Variants in DLGAP3 observed in about 807,000 individuals in gnomAD.
DLGAP3 encodes the protein DLG associated protein 3, also known as disks large-associated protein 3.
Under a neutral mutation model 81.2 loss-of-function variants are expected in DLGAP3, and 17 were observed. The ratio of observed to expected loss-of-function variants is 0.21; its 90% CI spans 0.14 to 0.31. The LOEUF is 0.31. DLGAP3 is among the 10% of genes least tolerant of loss of function. The pLI is 1.00. For synonymous variants in DLGAP3, 577 were observed against 587.4 expected (o/e 0.98, Z 0.26); for missense variants, 1,124 against 1,388.0 (o/e 0.81, Z 3.02).
chr1:34,904,946 T>G lies in DLGAP3; in HGVS notation c.438A>C (p.Ala146=). The G allele has an allele frequency of 6.2e-7, 1 of 1,612,844 alleles. No homozygotes were observed. The highest frequency in any genetic ancestry group is 8.5e-7 in the Non-Finnish European group (1 of 1,179,742). ...CTGGCGCTGGCCCGGGCCCTGCCCC[T>G]GCTGGCCCTCGCTGGTATGGTAGTG... is the stretch of plus-strand genomic sequence containing the variant. ...FHTLPYQRGP[A]GAGPGPAPGT... Residue 146 remains alanine, a synonymous_variant, in exon 3 of 12, where the codon GCA becomes GCC. Transcript: ENST00000373347. The surrounding 1 kb of genome is among the most constrained non-coding windows in gnomAD (Gnocchi z 8.1).
chr1:34,880,629 G>A (rs1338040119), intron 8 of DLGAP3, among the ~76,000 whole-genome samples: 2 of 151,992 alleles, frequency 1.3e-5, no homozygotes, highest in Non-Finnish European at 2.9e-5. Context: ...TACTCGGGAG[G>A]TGGAAGTTGC....
intron 6 of DLGAP3, 123 bp downstream of exon 6, chr1:34,885,949 G>A: frequency 1.7e-6 from 2 of 1,197,492 alleles, no homozygotes; most frequent in Non-Finnish European, 2.3e-6. Flanking sequence ...CGCTCTCCCC[G>A]TCATCCGACC....
chr1:34,867,459 C>A lies in DLGAP3; in HGVS notation c.2577+77G>T. The A allele has an allele frequency of 7.5e-7, 1 of 1,337,402 alleles. No homozygotes were observed. Among genetic ancestry groups the A allele is most frequent in the Admixed American group, 1.7e-5 (1 of 59,698 alleles). 82.8% of individuals were successfully genotyped at this position (1,337,402 alleles called of 1,614,324 possible). ...TCTGGTACACACTCACTCTGGGTCACCTGCCTGTCTCACCTCCAGCACACA... is the reference window on the plus strand; with the variant it reads ...TCTGGTACACACTCACTCTGGGTCAACTGCCTGTCTCACCTCCAGCACACA... On this transcript the variant is annotated intron_variant, in intron 10 of 11. Coordinates refer to ENST00000373347, the MANE Select transcript of DLGAP3 (RefSeq NM_001080418.3). This position sits in a 1 kb window ranked among gnomAD's most constrained non-coding sequence, Gnocchi z 4.3.
intron 1 of DLGAP3, among the ~76,000 whole-genome samples, chr1:34,922,847 C>T (rs1346453634): frequency 6.6e-6 from 1 of 152,194 alleles, no homozygotes; most frequent in East Asian, 1.9e-4. Flanking sequence ...GCTCTCTCCT[C>T]TTGCTAGTCT....
At chr1:34,903,798 T>C (rs1639500137) in intron 3 of DLGAP3, among the ~76,000 whole-genome samples, 1 of 152,154 alleles carries the variant, frequency 6.6e-6, no homozygotes, top group African/African-American at 2.4e-5. Flanking sequence ...CAGAGGCACA[T>C]TCTAGAAATA....
In DLGAP3 at chr1:34,905,146, C is replaced by G; in HGVS notation, c.238G>C (p.Ala80Pro). Residue 80 changes from alanine (A) to proline (P), a missense_variant, in exon 3 of 12, where the codon GCC (alanine) becomes CCC (proline). Around this residue, in one of 9 missense-constraint regions of DLGAP3, gnomAD observed 167 missense variants for 172.1 expected, o/e 0.97. Transcript: ENST00000373347. ...GTGCTGCTACCCCCCCCAACCCCGG[C>G]CCCCGCTGGCCCTCCCTCAGGGCCT... The part of the protein sequence containing the change: ...SVGPEGGPAG[A>P]GVGGGSSTFP... 1.3e-6 allele frequency: 2 copies of G among 1,567,866 alleles called. No individual in the cohort carries two copies. Among genetic ancestry groups the G allele is most frequent in the Non-Finnish European group, 1.7e-6 (2 of 1,156,044 alleles).
rs115871821 is a variant in DLGAP3 at position 34,913,172 on chromosome 1, C to T, written c.-134-5735G>A. 1.7e-3 allele frequency among the ~76,000 whole-genome samples: 260 copies of T among 152,272 alleles called. 1 individual carries two copies. Among genetic ancestry groups the T allele is most frequent in the African/African-American group, 6.0e-3 (251 of 41,550 alleles). ...ACAGAAAGGAAGGAGGAAGGCTTGCCGTTTTATTCATTCATCTTTATTACT... is the reference window on the plus strand; with the variant it reads ...ACAGAAAGGAAGGAGGAAGGCTTGCTGTTTTATTCATTCATCTTTATTACT... On this transcript the variant is annotated intron_variant, in intron 1 of 11. Coordinates refer to ENST00000373347, the MANE Select transcript of DLGAP3 (RefSeq NM_001080418.3).
At position 34,890,654 on chromosome 1, in the gene DLGAP3, T is replaced by G. The variant is rs369791661; in HGVS notation, c.1387-4369A>C. Among the ~76,000 whole-genome samples the G allele has an allele frequency of 7.6e-4, 116 of 152,320 alleles. 1 individual carries two copies. The South Asian group carries it at 0.017, about 22-fold the overall frequency. ...ACATAGAAGAAATTGATGTCCCTGGTTAGTAGCCAGCAAGGATCTGTAGCC... is the reference window on the plus strand; with the variant it reads ...ACATAGAAGAAATTGATGTCCCTGGGTAGTAGCCAGCAAGGATCTGTAGCC... On this transcript the variant is annotated intron_variant, in intron 5 of 11. Transcript: ENST00000373347.
intron 1 of DLGAP3, among the ~76,000 whole-genome samples, chr1:34,918,380 A>G (rs929517606): frequency 2.0e-5 from 3 of 152,166 alleles, no homozygotes; most frequent in Non-Finnish European, 2.9e-5. Flanking sequence ...GGTCTGCTCA[A>G]TGCGGAGCTG....
chr1:34,922,596 G>A (rs1639812090), intron 1 of DLGAP3, among the ~76,000 whole-genome samples: 1 of 151,932 alleles, frequency 6.6e-6, no homozygotes. Flanking sequence ...ATATATACAT[G>A]AATGCATACA....
At chr1:34,918,549 C>G (rs145129188) in intron 1 of DLGAP3, among the ~76,000 whole-genome samples, 1 of 152,122 alleles carries the variant, frequency 6.6e-6, no homozygotes, top group African/African-American at 2.4e-5. Context: ...GGCAGAGGCC[C>G]GGGCAGGGGG....
At chr1:34,896,984 C>G (rs72657951) in intron 5 of DLGAP3, among the ~76,000 whole-genome samples, 2 of 152,150 alleles carry the variant, frequency 1.3e-5, no homozygotes, top group Non-Finnish European at 2.9e-5. Flanking sequence ...GTACTAAACT[C>G]TCAAGCAATT....
intron 5 of DLGAP3, among the ~76,000 whole-genome samples, chr1:34,887,536 G>C (rs762874344): frequency 9.2e-5 from 14 of 152,290 alleles, no homozygotes; most frequent in Middle Eastern, 6.8e-3. Context: ...TTACAAGAGA[G>C]AACTGGTGCA....
At chr1:34,866,384 A>AAC in intron 11 of DLGAP3, 83 bp from the exon 12 acceptor site, 1 of 1,200,290 alleles carries the variant, frequency 8.3e-7, no homozygotes, top group South Asian at 1.6e-5. Context: ...CCGCGCCCAG[A>AAC]GTGCTGACGA....
In DLGAP3 at chr1:34,910,731, C is replaced by T. The variant is rs530439785; in HGVS notation, c.-134-3294G>A. Among the ~76,000 whole-genome samples, 8 of 152,330 alleles carry T rather than the reference C, an allele frequency of 5.3e-5. No homozygotes were observed. In the South Asian group the frequency reaches 1.7e-3, roughly 32 times the overall value. ...CTTTCTCTGGCCTCCCTGACTAGGT[C>T]AGATCCCCCTGCTGTTTGCTCTCAA... is the stretch of plus-strand genomic sequence containing the variant. On this transcript the variant is annotated intron_variant, in intron 1 of 11. Transcript: ENST00000373347.
rs1014478306 is a variant in DLGAP3 at position 34,902,950 on chromosome 1, C to T, written c.1107+1327G>A. 4.6e-5 allele frequency among the ~76,000 whole-genome samples: 7 copies of T among 152,042 alleles called. No homozygotes were observed. Among genetic ancestry groups the T allele is most frequent in the East Asian group, 1.9e-4 (1 of 5,168 alleles). On this transcript the variant is annotated intron_variant, in intron 3 of 11. Coordinates refer to ENST00000373347, the MANE Select transcript of DLGAP3 (RefSeq NM_001080418.3). This position sits in a 1 kb window ranked among gnomAD's most constrained non-coding sequence, Gnocchi z 4.4. The stretch of plus-strand genomic sequence containing the variant: ...GCAGTTCCCAGCTTAGAGCACCTCC[C>T]TACCCAGGGAGGGGGCAAACCAGGC...
rs1639469650 is a variant in DLGAP3 at position 34,902,136 on chromosome 1, G to A, written c.1108-1863C>T. 6.6e-6 allele frequency among the ~76,000 whole-genome samples: 1 copy of A among 152,082 alleles called. No homozygotes were observed. The highest frequency in any genetic ancestry group is 2.4e-5 in the African/African-American group (1 of 41,402). On this transcript the variant is annotated intron_variant, in intron 3 of 11. Transcript: ENST00000373347. This position sits in a 1 kb window ranked among gnomAD's most constrained non-coding sequence, Gnocchi z 4.4. ...GTCAGCCTACACTTCGGAAAATGAG[G>A]TGTAAGTGAAGACGTGGGGGAGAGG...
intron 1 of DLGAP3, among the ~76,000 whole-genome samples, chr1:34,917,552 C>T (rs1332580365): frequency 6.6e-6 from 1 of 151,930 alleles, no homozygotes; most frequent in African/African-American, 2.4e-5. Flanking sequence ...CACTATGTTG[C>T]CCCAGCTGGT....
Position 34,865,938 on chromosome 1 carries a change from G to A in DLGAP3, c.*145C>T, listed in dbSNP as rs1254582031. ...GATCAGGAAGGTAAAAAACCCACGA[G>A]AGTGTGACGGGCCCGGGGGCCGGGG... On this transcript the variant is annotated 3_prime_UTR_variant, in exon 12 of 12. Transcript: ENST00000373347. The A allele has an allele frequency of 2.7e-6, 2 of 754,010 alleles. No homozygotes were observed. Among genetic ancestry groups the A allele is most frequent in the East Asian group, 2.8e-5 (1 of 35,984 alleles). 46.7% of individuals were successfully genotyped at this position (754,010 alleles called of 1,614,324 possible). A position where few individuals can be genotyped will look rare whatever the true frequency, so the allele number is the denominator to read the frequency against.
Sources: allele counts gnomAD v4.1 joint callset (sites outside exome capture counted in the v4.1 genomes callset), GRCh38; gene constraint gnomAD v4.1.1; regional missense constraint gnomAD v4.1.1; non-coding constraint Gnocchi (gnomAD v3.1); transcripts MANE v1.5; gene names NCBI Gene and HGNC (gene_info 2026-07-23, HGNC 2026-07-21).